Variants in TCP11L2 observed in about 807,000 individuals in gnomAD.
TCP11L2 encodes the protein T-complex protein 11-like protein 2.
TCP11L2 carries 39 observed loss-of-function variants against 50.7 expected under a neutral mutation model. That is an observed-to-expected ratio of 0.77 (90% CI 0.60 to 1.01). TCP11L2 has a LOEUF of 1.01. Among genes scored for constraint, TCP11L2 ranks in the 50% least tolerant of loss-of-function variants. The pLI, the probability that TCP11L2 is intolerant of heterozygous loss-of-function variation, is 0.00. For synonymous variants in TCP11L2, 192 were observed against 219.3 expected (o/e 0.88, Z 1.10); for missense variants, 612 against 614.7 (o/e 1.00, Z 0.05).
intron 2 of TCP11L2, among the ~76,000 whole-genome samples, chr12:106,311,647 C>G (rs2034857855): frequency 6.6e-6 from 1 of 152,150 alleles, no homozygotes; most frequent in African/African-American, 2.4e-5. Context: ...GTGAAATAAT[C>G]TAAAGGGTTT....
At chr12:106,308,612 C>T (rs1204686390) in intron 1 of TCP11L2, among the ~76,000 whole-genome samples, 1 of 152,158 alleles carries the variant, frequency 6.6e-6, no homozygotes, top group Non-Finnish European at 1.5e-5. Flanking sequence ...ACAGCGGTTA[C>T]ATTACAGGGG....
intron 9 of TCP11L2, among the ~76,000 whole-genome samples, chr12:106,341,454 C>T (rs1443664971): frequency 6.6e-6 from 1 of 152,202 alleles, no homozygotes; most frequent in Non-Finnish European, 1.5e-5. Flanking sequence ...AGGAAATTGA[C>T]TGTCTCAAAG....
In TCP11L2 at chr12:106,346,434, A is replaced by C; in HGVS notation, c.1464A>C (p.Lys488Asn). The C allele has an allele frequency of 6.2e-6, 10 of 1,614,178 alleles. No homozygotes were observed. The highest frequency in any genetic ancestry group is 8.5e-6 in the Non-Finnish European group (10 of 1,180,026). Residue 488 changes from lysine to asparagine, a missense_variant, in exon 10 of 10, where the codon AAA becomes AAC. Lys to Asn is a moderately conservative substitution (Grantham distance 94). Coordinates refer to ENST00000299045, the MANE Select transcript of TCP11L2 (RefSeq NM_152772.3). ...ATGCAAACATTGTGAATCTCAACAA[A>C]CAAGTGTATGGACCATTTTATGCAA... ...SQYANIVNLN[K>N]QVYGPFYANI...
intron 2 of TCP11L2, among the ~76,000 whole-genome samples, chr12:106,312,826 G>C (rs1380142028): frequency 2.6e-4 from 39 of 152,094 alleles, no homozygotes; most frequent in Admixed American, 2.6e-3. Flanking sequence ...AGGTTGTAGT[G>C]AGTCAAGATT....
At chr12:106,330,022 CAG>C (rs2035692506) in intron 6 of TCP11L2, 1 of 985,312 alleles carries the variant, frequency 1.0e-6, no homozygotes, top group Non-Finnish European at 1.2e-6. Flanking sequence ...CACCTGTGTT[CAG>C]GCTGTATTTC....
chr12:106,337,780 A>T (rs1281248072), intron 8 of TCP11L2, among the ~76,000 whole-genome samples: 1 of 152,236 alleles, frequency 6.6e-6, no homozygotes, highest in Non-Finnish European at 1.5e-5. Flanking sequence ...ACTTAAGATG[A>T]TTCAGGTACA....
At chr12:106,330,411 T>C (rs2035705536) in intron 6 of TCP11L2, 1 of 655,448 alleles carries the variant, frequency 1.5e-6, no homozygotes, top group South Asian at 6.8e-5. Flanking sequence ...CTGGAGACAC[T>C]TGTATGTCCC....
At chr12:106,333,225 G>C (rs1192928811) in intron 6 of TCP11L2, among the ~76,000 whole-genome samples, 2 of 152,134 alleles carry the variant, frequency 1.3e-5, no homozygotes, top group East Asian at 3.9e-4. Flanking sequence ...GGGGGCAGCT[G>C]GGTGAAGGGT....
At chr12:106,310,950 TGTG>T in intron 1 of TCP11L2, 88 bp from the exon 2 acceptor site, 7 of 1,190,220 alleles carry the variant, frequency 5.9e-6, no homozygotes, top group South Asian at 1.5e-5. Context: ...CAGTGACACT[TGTG>T]GGGACAGTTG....
At chr12:106,305,125 T>G (rs936919321) in intron 1 of TCP11L2, among the ~76,000 whole-genome samples, 4 of 152,240 alleles carry the variant, frequency 2.6e-5, no homozygotes, top group Admixed American at 2.6e-4. Context: ...TGGATTTGAG[T>G]TGTGCCTCTA....
intron 3 of TCP11L2, among the ~76,000 whole-genome samples, chr12:106,316,254 C>CCACG (rs71311254): frequency 6.6e-6 from 1 of 151,492 alleles, no homozygotes; most frequent in Non-Finnish European, 1.5e-5. Flanking sequence ...TCTTCCATAT[C>CCACG]CAGTAGCCTT....
intron 9 of TCP11L2, 150 bp from the exon 10 acceptor site, chr12:106,346,136 C>A: frequency 1.2e-6 from 1 of 808,608 alleles, no homozygotes; most frequent in Non-Finnish European, 1.9e-6. Flanking sequence ...GGAGGAACTG[C>A]AAAGCTACCT....
At chr12:106,329,839 C>T (rs1240826927) in intron 6 of TCP11L2, 1 of 986,348 alleles carries the variant, frequency 1.0e-6, no homozygotes, top group Non-Finnish European at 1.2e-6. Flanking sequence ...AAGTCTTTTA[C>T]ATCTTTATAA....
In TCP11L2 at chr12:106,329,606, TC is replaced by T. The variant is rs113789049; in HGVS notation, c.772+5962del. 9.9e-4 allele frequency: 1,347 copies of T among 1,361,676 alleles called. 11 individuals are homozygous for T. In the African/African-American group the frequency reaches 0.015, roughly 15 times the overall value. 84.3% of individuals were successfully genotyped at this position (1,361,676 alleles called of 1,614,324 possible). A position where few individuals can be genotyped will look rare whatever the true frequency, so the allele number is the denominator to read the frequency against. ...GAGCTGTGCCCATGAACTCTTTTTTTCCTTTTTAAAGCTCCCCAGGTGATTC... is the reference window on the plus strand; with the variant it reads ...GAGCTGTGCCCATGAACTCTTTTTTTCTTTTTAAAGCTCCCCAGGTGATTC... On this transcript the variant is annotated intron_variant, in intron 6 of 9. Transcript: ENST00000299045.
chr12:106,316,081 G>A (rs992874914), intron 3 of TCP11L2, among the ~76,000 whole-genome samples: 16 of 142,946 alleles, frequency 1.1e-4, no homozygotes, highest in African/African-American at 3.0e-4. Context: ...GCCATGTATC[G>A]TGGGTGTATC....
chr12:106,334,564 T>C (rs1393725910), intron 6 of TCP11L2, among the ~76,000 whole-genome samples: 1 of 152,206 alleles, frequency 6.6e-6, no homozygotes, highest in African/African-American at 2.4e-5. Flanking sequence ...ACTGCAATAA[T>C]TTACTCTCCC....
At chr12:106,302,320 C>G (rs1274577133), upstream of TCP11L2, among the ~76,000 whole-genome samples, 1 of 40,036 alleles carries the variant, frequency 2.5e-5, no homozygotes, top group Non-Finnish European at 5.6e-5. Flanking sequence ...AGCCCCCGCT[C>G]CCCCCGCTCA....
At chr12:106,332,599 A>G (rs2035785145) in intron 6 of TCP11L2, among the ~76,000 whole-genome samples, 1 of 152,200 alleles carries the variant, frequency 6.6e-6, no homozygotes, top group Non-Finnish European at 1.5e-5. Flanking sequence ...GTAGCTTAAT[A>G]TTAGTTTATT....
chr12:106,336,168 G>GTTT lies in TCP11L2; in HGVS notation c.1097_1098insTTT (p.Arg366delinsSerLeu). The GTTT allele has an allele frequency of 1.2e-6, 2 of 1,612,590 alleles. No individual in the cohort carries two copies. Among genetic ancestry groups the GTTT allele is most frequent in the Non-Finnish European group, 1.7e-6 (2 of 1,179,656 alleles). ...GGAGGCCTGCCTGAGCTTGCAAGCAGGTTAACAAGGATTTCAGCTGTTCTA... is the reference window on the plus strand; with the variant it reads ...GGAGGCCTGCCTGAGCTTGCAAGCAGTTTGTTAACAAGGATTTCAGCTGTTCTA... On this transcript the variant is annotated protein_altering_variant, in exon 8 of 10. Coordinates refer to ENST00000299045, the MANE Select transcript of TCP11L2 (RefSeq NM_152772.3).
Sources: gnomAD v4.1 joint callset for allele counts (sites outside exome capture counted in the v4.1 genomes callset) on GRCh38, gnomAD v4.1.1 for gene constraint, MANE v1.5 for transcripts, NCBI Gene and HGNC (gene_info 2026-07-23, HGNC 2026-07-21) for gene names.